The following RGS6 variants were observed in gnomAD, a reference collection of about 807,000 sequenced individuals.
The protein encoded by RGS6 is regulator of G-protein signaling 6.
RGS6 carries 30 observed loss-of-function variants against 78.5 expected under a neutral mutation model. The observed-to-expected ratio is 0.38, with a 90% CI of 0.29 to 0.52. The LOEUF is 0.52. Among genes scored for constraint, RGS6 ranks in the 20% least tolerant of loss-of-function variants. The pLI is 0.85. For synonymous variants in RGS6, 206 were observed against 206.0 expected (o/e 1.00, Z 0.00); for missense variants, 495 against 609.7 (o/e 0.81, Z 1.98).
At chr14:72,403,903 G>T (rs1027914582) in intron 3 of RGS6, among the ~76,000 whole-genome samples, 1 of 152,188 alleles carries the variant, frequency 6.6e-6, no homozygotes, top group Non-Finnish European at 1.5e-5. Context: ...AGGGTCAAAA[G>T]AGTACATTAT....
At chr14:72,479,306 A>G (rs7153543) in intron 12 of RGS6, among the ~76,000 whole-genome samples, 1,778 of 152,304 alleles carry the variant, frequency 0.012, 39 homozygotes, top group African/African-American at 0.041. Context: ...GGCTAAGGAC[A>G]TCCCTGGACT....
intron 4 of RGS6, 99 bp from the exon 5 acceptor site, chr14:72,458,172 T>A: frequency 1.1e-6 from 1 of 871,580 alleles, no homozygotes; most frequent in South Asian, 1.6e-5. Flanking sequence ...AACACAGACA[T>A]CTGGGGGTGA....
intron 2 of RGS6, among the ~76,000 whole-genome samples, chr14:71,987,668 C>T (rs1198169320): frequency 6.6e-6 from 1 of 152,022 alleles, no homozygotes; most frequent in South Asian, 2.1e-4. Context: ...TACAGGCATG[C>T]ACCACCACAC....
chr14:72,091,430 G>C (rs1268299731), intron 2 of RGS6, among the ~76,000 whole-genome samples: 1 of 152,112 alleles, frequency 6.6e-6, no homozygotes, highest in African/African-American at 2.4e-5. Context: ...AGATTACCCA[G>C]CCTCCCTAGA....
chr14:72,448,758 A>G (rs779390587), intron 3 of RGS6, among the ~76,000 whole-genome samples: 1 of 152,110 alleles, frequency 6.6e-6, no homozygotes, highest in Non-Finnish European at 1.5e-5. Flanking sequence ...TCGGTTTTCT[A>G]ATTGTTTTTT....
At chr14:72,590,068 A>C in the RGS6 span, among the ~76,000 whole-genome samples, 1 of 152,238 alleles carries the variant, frequency 6.6e-6, no homozygotes, top group African/African-American at 2.4e-5. Context: ...CATCAGAGAA[A>C]TGCAAATTAA....
chr14:72,502,501 TA>T (rs1314526489), intron 13 of RGS6, among the ~76,000 whole-genome samples: 3 of 152,148 alleles, frequency 2.0e-5, no homozygotes, highest in Non-Finnish European at 4.4e-5. Context: ...CGCGGTGACT[TA>T]TGCCTGTAAT....
the RGS6 span, among the ~76,000 whole-genome samples, chr14:72,629,118 A>G: frequency 6.6e-6 from 1 of 152,162 alleles, no homozygotes; most frequent in Non-Finnish European, 1.5e-5. Flanking sequence ...TAGCTATGTA[A>G]TATTTTGGTT....
chr14:72,184,369 A>AACACACAC (rs10638767), intron 2 of RGS6, among the ~76,000 whole-genome samples: 12,090 of 141,200 alleles, frequency 0.086, 623 homozygotes, highest in African/African-American at 0.13. Context: ...TTTACTTTCA[A>AACACACAC]ACACACACAC....
intron 2 of RGS6, among the ~76,000 whole-genome samples, chr14:72,040,351 C>T (rs111337888): frequency 3.1e-4 from 47 of 151,708 alleles, no homozygotes; most frequent in African/African-American, 9.9e-4. Flanking sequence ...GTTTATTTCT[C>T]CTTCATTTTT....
At chr14:72,455,087 T>G (rs2095596380) in intron 4 of RGS6, among the ~76,000 whole-genome samples, 1 of 152,130 alleles carries the variant, frequency 6.6e-6, no homozygotes, top group African/African-American at 2.4e-5. Context: ...ATAAAACAAT[T>G]TCCCAGTCTG....
intron 2 of RGS6, among the ~76,000 whole-genome samples, chr14:72,124,089 A>T (rs1426545695): frequency 1.3e-5 from 2 of 152,210 alleles, no homozygotes; most frequent in African/African-American, 4.8e-5. Flanking sequence ...AAGGTAGGTG[A>T]CAGATGCTTT....
At chr14:72,331,910 T>G (rs1040902175) in intron 2 of RGS6, among the ~76,000 whole-genome samples, 4 of 152,264 alleles carry the variant, frequency 2.6e-5, no homozygotes, top group Admixed American at 1.3e-4. Flanking sequence ...TGTATACAAA[T>G]GTGAAATTAT....
At chr14:72,371,047 T>C (rs1378471772) in intron 3 of RGS6, among the ~76,000 whole-genome samples, 1 of 152,204 alleles carries the variant, frequency 6.6e-6, no homozygotes, top group Non-Finnish European at 1.5e-5. Flanking sequence ...CCAATACTGA[T>C]GGAAGGAAGG....
chr14:72,547,204 G>A (rs1349038459), intron 17 of RGS6: 2 of 1,535,344 alleles, frequency 1.3e-6, no homozygotes, highest in Non-Finnish European at 1.7e-6. Context: ...CACCGCAGCA[G>A]AGGGGGCCAG....
chr14:72,261,614 C>T (rs900948761), intron 2 of RGS6, among the ~76,000 whole-genome samples: 1 of 152,040 alleles, frequency 6.6e-6, no homozygotes, highest in Admixed American at 6.6e-5. Context: ...ATTCTTAAAT[C>T]CCCACCATTC....
intron 2 of RGS6, among the ~76,000 whole-genome samples, chr14:72,253,137 C>T (rs977345749): frequency 6.6e-6 from 1 of 152,210 alleles, no homozygotes; most frequent in African/African-American, 2.4e-5. Flanking sequence ...AAAATGTGAG[C>T]AGATGTGATA....
chr14:71,881,507 A>G, the RGS6 span, among the ~76,000 whole-genome samples: 1 of 152,168 alleles, frequency 6.6e-6, no homozygotes, highest in African/African-American at 2.4e-5. Flanking sequence ...TTTCCCCCAT[A>G]CTGTTCTCAT....
chr14:72,355,786 G>A (rs189771570), intron 3 of RGS6, among the ~76,000 whole-genome samples: 4 of 152,232 alleles, frequency 2.6e-5, no homozygotes, highest in East Asian at 1.9e-4. Flanking sequence ...GAGTAAAGAC[G>A]GAAAGGAGAT....
Sources: gnomAD v4.1 joint callset for allele counts (sites outside exome capture counted in the v4.1 genomes callset) on GRCh38, gnomAD v4.1.1 for gene constraint, MANE v1.5 for transcripts, NCBI Gene and HGNC (gene_info 2026-07-23, HGNC 2026-07-21) for gene names.